The following SLC14A2 variants were observed in gnomAD, a reference collection of about 807,000 sequenced individuals.
SLC14A2 encodes the protein solute carrier family 14 member 2.
In SLC14A2, 91 loss-of-function variants were observed where a neutral mutation model predicts 104.6. The observed-to-expected ratio is 0.87, with a 90% CI of 0.73 to 1.04. The LOEUF (loss-of-function observed/expected upper bound fraction) is 1.04, where lower values mean the gene tolerates loss of function less well. Ranked by LOEUF, SLC14A2 falls within the 50% of genes least tolerant of loss-of-function variation. SLC14A2 has a pLI of 0.00. For synonymous variants in SLC14A2, 476 were observed against 466.4 expected, an observed-to-expected ratio of 1.02 and a Z score of -0.27; for missense variants, 1,189 against 1,156.0, an observed-to-expected ratio of 1.03 and a Z score of -0.41.
intron 1 of SLC14A2, among the ~76,000 whole-genome samples, chr18:45,349,468 C>T (rs1350771699): frequency 1.3e-5 from 2 of 152,160 alleles, no homozygotes; most frequent in Non-Finnish European, 2.9e-5. Context: ...TGGCTGGCCA[C>T]ATTCCAACCT....
At chr18:45,551,516 T>C (rs1598994645) in intron 2 of SLC14A2, among the ~76,000 whole-genome samples, 1 of 152,222 alleles carries the variant, frequency 6.6e-6, no homozygotes, top group African/African-American at 2.4e-5. Flanking sequence ...CCAGGTTCTG[T>C]CTGGGCCGGC....
At chr18:45,650,900 C>A (rs984320654) in intron 10 of SLC14A2, among the ~76,000 whole-genome samples, 4 of 39,122 alleles carry the variant, frequency 1.0e-4, no homozygotes, top group African/African-American at 4.4e-4. Flanking sequence ...CCACCATGCC[C>A]AGCTTTTTTT....
chr18:45,580,670 T>C (rs1568284533), intron 2 of SLC14A2, among the ~76,000 whole-genome samples: 1 of 152,204 alleles, frequency 6.6e-6, no homozygotes, highest in African/African-American at 2.4e-5. Flanking sequence ...CAGCCATATA[T>C]TGCAGGTAAT....
At chr18:45,323,989 G>A (rs1040121279) in intron 1 of SLC14A2, among the ~76,000 whole-genome samples, 2 of 152,188 alleles carry the variant, frequency 1.3e-5, no homozygotes, top group African/African-American at 4.8e-5. Context: ...TGGCCATAGG[G>A]AAGGAAGGCA....
intron 2 of SLC14A2, among the ~76,000 whole-genome samples, chr18:45,603,517 T>C (rs1352461514): frequency 6.6e-6 from 1 of 152,208 alleles, no homozygotes; most frequent in Admixed American, 6.5e-5. Flanking sequence ...AGAGTTATGA[T>C]AAATTCAGTG....
chr18:45,257,697 C>T (rs1162934355), intron 1 of SLC14A2, among the ~76,000 whole-genome samples: 5 of 152,140 alleles, frequency 3.3e-5, no homozygotes, highest in Non-Finnish European at 7.4e-5. Flanking sequence ...AGAGGAGGTT[C>T]CCCAAAGTGT....
At chr18:45,247,569 A>C (rs561616379) in intron 1 of SLC14A2, among the ~76,000 whole-genome samples, 96 of 152,332 alleles carry the variant, frequency 6.3e-4, no homozygotes, top group African/African-American at 2.2e-3. Flanking sequence ...CTAGAAATAC[A>C]GTACTCCCCT....
Position 45,625,682 on chromosome 18 carries a change from G to C in SLC14A2, c.151-1G>C. ...GATGTCTGGTTGGTTTCTCCTAAAA[G>C]GATCTCCGGTCTTCCAATGAAGACA... is the stretch of plus-strand genomic sequence containing the variant. On this transcript the variant is annotated splice_acceptor_variant, in intron 2 of 19. Transcript: ENST00000255226. LOFTEE classifies it high-confidence loss of function. 6.5e-7 allele frequency: 1 copy of C among 1,540,854 alleles called. No individual in the cohort carries two copies. Among genetic ancestry groups the C allele is most frequent in the African/African-American group, 1.4e-5 (1 of 70,504 alleles).
intron 1 of SLC14A2, among the ~76,000 whole-genome samples, chr18:45,392,785 G>T (rs1380626877): frequency 6.6e-6 from 1 of 152,192 alleles, no homozygotes; most frequent in African/African-American, 2.4e-5. Context: ...GTCTAATAAT[G>T]TGAATTAATC....
intron 1 of SLC14A2, among the ~76,000 whole-genome samples, chr18:45,378,092 C>T (rs1307255533): frequency 6.6e-6 from 1 of 152,238 alleles, no homozygotes; most frequent in Non-Finnish European, 1.5e-5. Context: ...CTCCTTGTTT[C>T]TCCCCTAAGG....
chr18:45,584,191 T>G (rs1387894781), intron 2 of SLC14A2, among the ~76,000 whole-genome samples: 2 of 152,174 alleles, frequency 1.3e-5, no homozygotes, highest in South Asian at 2.1e-4. Context: ...CTGGCCACCA[T>G]GTTTTTTTAA....
At position 45,624,791 on chromosome 18, in the gene SLC14A2, C is replaced by A. The variant is rs917429033; in HGVS notation, c.127C>A (p.Leu43Ile). The change falls in exon 2 of 20, where the codon CTC becomes ATC. Residue 43 changes from leucine to isoleucine, a missense_variant. Physicochemically the swap from Leu to Ile is conservative, Grantham distance 5. Transcript: ENST00000255226. ...TSPDTHPALP[L>I]LEMPEEKDLR... is the part of the protein sequence containing the mutation. ...CCCGGATACTCACCCAGCTCTGCCC[C>A]TCCTGGAAATGCCTGAAGAAAAGGT... The A allele has an allele frequency of 6.2e-7, 1 of 1,611,776 alleles. No homozygotes were observed. The highest frequency in any genetic ancestry group is 8.5e-7 in the Non-Finnish European group (1 of 1,178,992).
At chr18:45,295,678 T>C (rs936884196) in intron 1 of SLC14A2, among the ~76,000 whole-genome samples, 4 of 152,162 alleles carry the variant, frequency 2.6e-5, no homozygotes, top group Admixed American at 6.6e-5. Context: ...TTACAGGCCT[T>C]ATCTATCTGA....
intron 15 of SLC14A2, among the ~76,000 whole-genome samples, chr18:45,668,929 T>C (rs191699977): frequency 6.6e-6 from 1 of 152,350 alleles, no homozygotes; most frequent in East Asian, 1.9e-4. Flanking sequence ...CTACCCCATG[T>C]TGAGAAAACA....
At chr18:45,456,652 C>T (rs1165533649) in intron 1 of SLC14A2, among the ~76,000 whole-genome samples, 6 of 152,152 alleles carry the variant, frequency 3.9e-5, no homozygotes, top group African/African-American at 7.2e-5. Context: ...TACTGGAGGA[C>T]GTGTAGCTTT....
At chr18:45,301,060 C>T (rs2084963817) in intron 1 of SLC14A2, among the ~76,000 whole-genome samples, 1 of 152,180 alleles carries the variant, frequency 6.6e-6, no homozygotes, top group South Asian at 2.1e-4. Flanking sequence ...CCTATATAAG[C>T]AGATCGTCTG....
the SLC14A2 span, among the ~76,000 whole-genome samples, chr18:45,198,616 G>C: frequency 6.6e-6 from 1 of 151,920 alleles, no homozygotes; most frequent in Non-Finnish European, 1.5e-5. Context: ...CTTTTGAATT[G>C]ATACAGTATA....
chr18:45,232,177 C>T (rs2084181474), intron 1 of SLC14A2, among the ~76,000 whole-genome samples: 1 of 152,084 alleles, frequency 6.6e-6, no homozygotes, highest in Non-Finnish European at 1.5e-5. Context: ...GTTTAATTGA[C>T]TCAGAGTTCC....
chr18:45,567,076 G>A (rs977754193), intron 2 of SLC14A2, among the ~76,000 whole-genome samples: 5 of 150,324 alleles, frequency 3.3e-5, no homozygotes, highest in Admixed American at 1.3e-4. Flanking sequence ...GTGTGTGTGT[G>A]TGTGTGTGTG....
Sources: gnomAD v4.1 joint callset for allele counts (sites outside exome capture counted in the v4.1 genomes callset) on GRCh38, gnomAD v4.1.1 for gene constraint, MANE v1.5 for transcripts, NCBI Gene and HGNC (gene_info 2026-07-23, HGNC 2026-07-21) for gene names.